Variants in TACC2 observed in about 807,000 individuals in gnomAD.
TACC2 encodes transforming acidic coiled-coil containing protein 2.
A neutral mutation model predicts 227.3 loss-of-function variants in TACC2; 137 were observed. That is an observed-to-expected ratio of 0.60 (90% confidence interval 0.52 to 0.69). The LOEUF (loss-of-function observed/expected upper bound fraction) is 0.69. Ranked by LOEUF, TACC2 falls within the 30% of genes least tolerant of loss-of-function variation. The pLI is 0.00. For synonymous variants in TACC2, 1,523 were observed against 1,487.5 expected (o/e 1.02, Z -0.55); for missense variants, 3,470 against 3,694.4 (o/e 0.94, Z 1.57).
At chr10:122,067,556 G>T (rs2077521387) in intron 3 of TACC2, among the ~76,000 whole-genome samples, 1 of 149,590 alleles carries the variant, frequency 6.7e-6, no homozygotes, top group Non-Finnish European at 1.5e-5. Context: ...ACCCAGGCTG[G>T]AGTGCAGTGG....
intron 7 of TACC2, chr10:122,163,478 C>T: frequency 2.6e-6 from 2 of 778,780 alleles, no homozygotes; most frequent in Non-Finnish European, 3.1e-6. Context: ...GGGTCTTCGC[C>T]TCCCCACCCC....
intron 2 of TACC2, among the ~76,000 whole-genome samples, chr10:122,024,687 TC>T (rs889822317): frequency 5.3e-5 from 8 of 152,380 alleles, no homozygotes; most frequent in African/African-American, 1.7e-4. Flanking sequence ...TGGCTTTTTT[TC>T]TCTCTCAGCA....
chr10:122,130,801 A>G (rs1278214301), intron 5 of TACC2, among the ~76,000 whole-genome samples: 5 of 152,204 alleles, frequency 3.3e-5, no homozygotes, highest in African/African-American at 1.2e-4. Flanking sequence ...GATCAAATAC[A>G]GTGCCATCTA....
chr10:121,998,591 G>A (rs554369646), intron 1 of TACC2, among the ~76,000 whole-genome samples: 42 of 152,230 alleles, frequency 2.8e-4, no homozygotes, highest in Non-Finnish European at 4.9e-4. Flanking sequence ...GTTTAAAATC[G>A]ACACAGTGGA....
At chr10:122,075,142 G>A (rs898306381) in intron 3 of TACC2, among the ~76,000 whole-genome samples, 19 of 150,942 alleles carry the variant, frequency 1.3e-4, no homozygotes, top group African/African-American at 3.9e-4. Context: ...CCCTTTCCAC[G>A]CTGTGGAAGC....
In TACC2 at chr10:122,216,797, A is replaced by C. The variant is rs1565662328; in HGVS notation, c.7515A>C (p.Val2505=). 5 of 1,614,148 alleles carry C rather than the reference A, an allele frequency of 3.1e-6. No homozygotes were observed. Among genetic ancestry groups the C allele is most frequent in the Non-Finnish European group, 4.2e-6 (5 of 1,180,026 alleles). Residue 2505 remains valine (V), a synonymous_variant, in exon 11 of 23, where the codon GTA becomes GTC. Coordinates refer to ENST00000369005, the MANE Select transcript of TACC2 (RefSeq NM_206862.4). ...YPQPSDLSTF[V]NETKFSSPTE... ...AGCCCTCGGACCTGTCCACCTTTGT[A>C]AACGAGACCAAATTCAGTTCACCCA... is the stretch of plus-strand genomic sequence containing the variant.
intron 8 of TACC2, among the ~76,000 whole-genome samples, chr10:122,199,928 G>A (rs2094722061): frequency 6.6e-6 from 1 of 152,158 alleles, no homozygotes; most frequent in African/African-American, 2.4e-5. Flanking sequence ...CCACTCATGA[G>A]GACACTGCCC....
rs567696549 is a variant in TACC2 at position 122,188,479 on chromosome 10, G to C, written c.5835-6561G>C. ...ATTTTTCTTTTTTTTTAGTAGAGATGGGTTTCACCATATTGGCCAGGCTGG... is the reference window on the plus strand; with the variant it reads ...ATTTTTCTTTTTTTTTAGTAGAGATCGGTTTCACCATATTGGCCAGGCTGG... On this transcript the variant is annotated intron_variant, in intron 7 of 22. Transcript: ENST00000369005. Among the ~76,000 whole-genome samples the C allele has an allele frequency of 5.3e-5, 8 of 152,046 alleles. No individual in the cohort carries two copies. In the East Asian group the frequency reaches 1.4e-3, roughly 26 times the overall value.
chr10:122,023,050 AT>A (rs5788527), intron 2 of TACC2: 97,516 of 150,658 alleles, frequency 0.65, 31,762 homozygotes, highest in African/African-American at 0.74. Flanking sequence ...CTTCCCTACA[AT>A]TTTTTTTTTT....
intron 3 of TACC2, among the ~76,000 whole-genome samples, chr10:122,054,001 C>G (rs989828477): frequency 2.0e-5 from 3 of 152,172 alleles, no homozygotes; most frequent in Non-Finnish European, 4.4e-5. Context: ...CAAAGATGGT[C>G]CCTCTGCTCA....
chr10:122,196,327 G>A (rs2094567035), intron 8 of TACC2, among the ~76,000 whole-genome samples: 1 of 152,176 alleles, frequency 6.6e-6, no homozygotes, highest in Admixed American at 6.5e-5. Flanking sequence ...GGGACAAGGG[G>A]GCAGGACAGT....
intron 6 of TACC2, among the ~76,000 whole-genome samples, chr10:122,134,591 G>A (rs941984374): frequency 6.6e-6 from 1 of 152,198 alleles, no homozygotes; most frequent in Non-Finnish European, 1.5e-5. Context: ...CCAGTGAGAC[G>A]TGGGGCACCC....
intron 2 of TACC2, chr10:122,032,974 A>ACAG (rs1959167312): frequency 6.0e-6 from 3 of 499,274 alleles, no homozygotes; most frequent in Non-Finnish European, 9.8e-6. Flanking sequence ...AAACAACAAA[A>ACAG]CAACAACAAC....
chr10:122,044,658 T>C (rs923252538), intron 2 of TACC2, among the ~76,000 whole-genome samples: 12 of 151,294 alleles, frequency 7.9e-5, no homozygotes, highest in African/African-American at 2.7e-4. Context: ...TCTAGAGTGA[T>C]GGAGCGTTTA....
chr10:122,181,412 A>G (rs2093967387), intron 7 of TACC2, among the ~76,000 whole-genome samples: 1 of 152,186 alleles, frequency 6.6e-6, no homozygotes, highest in South Asian at 2.1e-4. Flanking sequence ...TTGGTGGTAG[A>G]ATTTTAACAC....
At chr10:122,204,133 C>G (rs1014496337) in intron 8 of TACC2, among the ~76,000 whole-genome samples, 9 of 134,764 alleles carry the variant, frequency 6.7e-5, no homozygotes, top group Non-Finnish European at 1.2e-4. Context: ...GGCTCGGCAT[C>G]AGAGGGAGAC....
intron 16 of TACC2, among the ~76,000 whole-genome samples, chr10:122,233,811 T>C (rs1003292655): frequency 2.0e-5 from 3 of 152,022 alleles, no homozygotes; most frequent in African/African-American, 7.2e-5. Flanking sequence ...AGCGGCTGGC[T>C]GTTGCCAGTG....
chr10:122,096,686 A>C (rs1287752517), intron 5 of TACC2, among the ~76,000 whole-genome samples: 1 of 126,702 alleles, frequency 7.9e-6, no homozygotes, highest in Non-Finnish European at 1.7e-5. Flanking sequence ...ACAGAGCAAA[A>C]CTCCGTCTCA....
intron 13 of TACC2, 103 bp from the exon 14 acceptor site, chr10:122,227,734 G>C (rs2095656804): frequency 7.6e-7 from 1 of 1,312,318 alleles, no homozygotes; most frequent in Non-Finnish European, 1.1e-6. Context: ...CCCTCTGGAA[G>C]TCCAGGATTC....
Sources: gnomAD v4.1 joint callset for allele counts (sites outside exome capture counted in the v4.1 genomes callset) on GRCh38, gnomAD v4.1.1 for gene constraint, MANE v1.5 for transcripts, NCBI Gene and HGNC (gene_info 2026-07-23, HGNC 2026-07-21) for gene names.